Variants in CDYL observed in about 807,000 individuals in gnomAD.
The protein encoded by CDYL is chromodomain Y-like protein.
In CDYL, 8 loss-of-function variants were observed where a neutral mutation model predicts 47.3. The observed-to-expected ratio is 0.17, with a 90% CI of 0.10 to 0.31. The LOEUF (loss-of-function observed/expected upper bound fraction) is 0.31. Ranked by LOEUF, CDYL falls within the 10% of genes least tolerant of loss-of-function variation. The pLI is 1.00. For synonymous variants in CDYL, 266 were observed against 265.0 expected, an observed-to-expected ratio of 1.00 and a Z score of -0.04; for missense variants, 471 against 701.4, an observed-to-expected ratio of 0.67 and a Z score of 3.71.
At chr6:4,841,303 C>T (rs2127458989) in intron 1 of CDYL, among the ~76,000 whole-genome samples, 1 of 152,030 alleles carries the variant, frequency 6.6e-6, no homozygotes, top group Middle Eastern at 3.4e-3. Flanking sequence ...TTCTCCTTGT[C>T]TTGGTTAATC....
intron 1 of CDYL, among the ~76,000 whole-genome samples, chr6:4,830,632 T>C (rs1006821428): frequency 5.3e-5 from 8 of 152,178 alleles, no homozygotes; most frequent in Non-Finnish European, 1.0e-4. Context: ...CTTTAAGTTT[T>C]AGGGTACATG....
At chr6:4,747,109 C>A (rs1757911903) in intron 3 of CDYL, among the ~76,000 whole-genome samples, 1 of 152,104 alleles carries the variant, frequency 6.6e-6, no homozygotes, top group Admixed American at 6.5e-5. Context: ...GAGTTCAAGA[C>A]CAGCCTGGCC....
chr6:4,925,812 G>GTCCTT (rs2127512835), intron 2 of CDYL, among the ~76,000 whole-genome samples: 1 of 152,220 alleles, frequency 6.6e-6, no homozygotes, highest in Admixed American at 6.5e-5. Flanking sequence ...CCTTGCTTTT[G>GTCCTT]TTCACTGTGC....
At chr6:4,787,723 CA>C (rs1231373293) in intron 1 of CDYL, among the ~76,000 whole-genome samples, 1 of 148,624 alleles carries the variant, frequency 6.7e-6, no homozygotes, top group East Asian at 2.0e-4. Flanking sequence ...AGACCAAAGA[CA>C]TGCAGGTGGA....
intron 1 of CDYL, among the ~76,000 whole-genome samples, chr6:4,786,645 C>T (rs545879977): frequency 5.9e-5 from 9 of 152,252 alleles, no homozygotes; most frequent in Admixed American, 4.6e-4. Context: ...TCTCGAGTCT[C>T]GCTGTTTATT....
chr6:4,923,817 C>T (rs1056344694), intron 2 of CDYL, among the ~76,000 whole-genome samples: 35 of 148,958 alleles, frequency 2.3e-4, no homozygotes, highest in East Asian at 1.2e-3. Flanking sequence ...AGGAGAATGG[C>T]GTGAACCCGG....
In CDYL at chr6:4,891,728, G is replaced by A; in HGVS notation, c.40G>A (p.Asp14Asn). ...TTATGAACAGGTTGAAAGGATTGTT[G>A]ACAAAAGGAAAAATAAAAAAGGGAA... ...EELYEVERIV[D>N]KRKNKKGKTE... The change falls in exon 2 of 7, where the codon GAC (aspartate) becomes AAC (asparagine). Residue 14 changes from aspartate (D) to asparagine (N), a missense_variant. Asp to Asn is a conservative substitution (Grantham distance 23). This residue lies in a region of CDYL where 311 missense variants were observed against 350.0 expected (regional missense o/e 0.89). Coordinates refer to ENST00000397588, the MANE Select transcript of CDYL (RefSeq NM_004824.4). 1 of 1,612,154 alleles carries A rather than the reference G, an allele frequency of 6.2e-7. No homozygotes were observed. Among genetic ancestry groups the A allele is most frequent in the Non-Finnish European group, 8.5e-7 (1 of 1,179,072 alleles).
intron 1 of CDYL, among the ~76,000 whole-genome samples, chr6:4,887,215 C>T (rs1761921896): frequency 6.6e-6 from 1 of 152,132 alleles, no homozygotes; most frequent in African/African-American, 2.4e-5. Context: ...TTGGGATTAG[C>T]ATGCCAGTTT....
chr6:4,888,540 A>G (rs1329279059), intron 1 of CDYL, among the ~76,000 whole-genome samples: 1 of 152,178 alleles, frequency 6.6e-6, no homozygotes, highest in Non-Finnish European at 1.5e-5. Flanking sequence ...CTTAATCAAA[A>G]TAAGTAAAAG....
chr6:4,852,151 T>C (rs1478910195), intron 1 of CDYL, among the ~76,000 whole-genome samples: 1 of 152,200 alleles, frequency 6.6e-6, no homozygotes, highest in Non-Finnish European at 1.5e-5. Flanking sequence ...CATGTGGATT[T>C]AGCATCTACT....
chr6:4,834,682 T>A lies in CDYL; in HGVS notation c.25-57031T>A, dbSNP rs545131920. 1.2e-4 allele frequency among the ~76,000 whole-genome samples: 18 copies of A among 152,324 alleles called. No homozygotes were observed. In the South Asian group the frequency reaches 3.7e-3, roughly 32 times the overall value. ...CCTGCAGAGTGTTTTCCAACTTGAT[T>A]CCATTCTCCCTGTCACTTTCAGGTA... On this transcript the variant is annotated intron_variant, in intron 1 of 6. Transcript: ENST00000397588.
At chr6:4,758,351 A>ATATATATATATAT (rs1758108099) in intron 3 of CDYL, among the ~76,000 whole-genome samples, 246 of 129,030 alleles carry the variant, frequency 1.9e-3, no homozygotes, top group East Asian at 9.5e-3. Context: ...AAAATAAATA[A>ATATATATATATAT]ATATATATAT....
intron 1 of CDYL, among the ~76,000 whole-genome samples, chr6:4,886,537 C>G (rs551347062): frequency 3.9e-5 from 6 of 152,260 alleles, no homozygotes; most frequent in Middle Eastern, 3.4e-3. Flanking sequence ...GGAGAAATGT[C>G]TATTCAGGTC....
Position 4,889,234 on chromosome 6 carries a change from C to CT in CDYL, c.25-2471dup, listed in dbSNP as rs1034786700. Among the ~76,000 whole-genome samples, 13 of 145,390 alleles carry CT rather than the reference C, an allele frequency of 8.9e-5. No individual in the cohort carries two copies. In the East Asian group the frequency reaches 1.2e-3, roughly 13 times the overall value. On this transcript the variant is annotated intron_variant, in intron 1 of 6. Transcript: ENST00000397588. ...ATGGTTTTCATACCTTTTTTTTTTTCTTTTTTTTGAGACGGAGTCTTGCAC... is the reference window on the plus strand; with the variant it reads ...ATGGTTTTCATACCTTTTTTTTTTTCTTTTTTTTTGAGACGGAGTCTTGCAC...
At chr6:4,878,286 A>C (rs1390781117) in intron 1 of CDYL, among the ~76,000 whole-genome samples, 1 of 152,026 alleles carries the variant, frequency 6.6e-6, no homozygotes, top group African/African-American at 2.4e-5. Flanking sequence ...ATTTTCTGAA[A>C]TGATTTCTAT....
intron 2 of CDYL, among the ~76,000 whole-genome samples, chr6:4,727,835 A>G (rs2127412927): frequency 6.6e-6 from 1 of 152,134 alleles, no homozygotes; most frequent in South Asian, 2.1e-4. Context: ...GCTGGTGGTG[A>G]CATGGTGACA....
Position 4,769,176 on chromosome 6 carries a change from C to G in CDYL, c.186+34332C>G, listed in dbSNP as rs370513810. Among the ~76,000 whole-genome samples the G allele has an allele frequency of 2.0e-5, 3 of 152,154 alleles. No homozygotes were observed. The South Asian group carries it at 6.2e-4, about 32-fold the overall frequency. On this transcript the variant is annotated intron_variant, in intron 3 of 8. Transcript: ENST00000328908. ...AAAAACTAGGGAAATCTGAATAAAG[C>G]GTGTATTTTAGTTAATAATACTGTA...
At chr6:4,788,480 C>CCAA (rs1758820985) in intron 1 of CDYL, among the ~76,000 whole-genome samples, 1 of 61,064 alleles carries the variant, frequency 1.6e-5, no homozygotes, top group African/African-American at 7.4e-5. Context: ...GAGACTCTGT[C>CCAA]AAAAAAAAAA....
chr6:4,884,942 C>T (rs538160143), intron 1 of CDYL, among the ~76,000 whole-genome samples: 23 of 152,110 alleles, frequency 1.5e-4, no homozygotes, highest in Non-Finnish European at 2.9e-4. Context: ...TTCAGTTACC[C>T]GTGTTCAACC....
Sources: gnomAD v4.1 joint callset for allele counts (sites outside exome capture counted in the v4.1 genomes callset) on GRCh38, gnomAD v4.1.1 for gene constraint, gnomAD v4.1.1 regional missense constraint, MANE v1.5 for transcripts, NCBI Gene and HGNC (gene_info 2026-07-23, HGNC 2026-07-21) for gene names.